The following QRICH1 variants were observed in gnomAD, a reference collection of about 807,000 sequenced individuals.
The protein encoded by QRICH1 is transcriptional regulator QRICH1.
In QRICH1, 16 loss-of-function variants were observed where a neutral mutation model predicts 87.1. The observed-to-expected ratio is 0.18, with a 90% CI of 0.12 to 0.28. The LOEUF (loss-of-function observed/expected upper bound fraction) is 0.28, where lower values mean the gene tolerates loss of function less well. Among genes scored for constraint, QRICH1 ranks in the 10% least tolerant of loss-of-function variants. The pLI is 1.00. For synonymous variants in QRICH1, 367 were observed against 368.4 expected, an observed-to-expected ratio of 1.00 and a Z score of 0.05; for missense variants, 647 against 951.7, an observed-to-expected ratio of 0.68 and a Z score of 4.21.
At position 49,046,530 on chromosome 3, in the gene QRICH1, T is replaced by C. The variant is rs774488055; in HGVS notation, c.1566A>G (p.Ala522=). The part of the protein sequence containing the change: ...FQEDLISSAV[A]ELNYGLCLMT... ...TTAGACAGAGCCCATAATTCAACTC[T>C]GCCACAGCAGAGGAGATGAGATCTT... Residue 522 remains alanine (A), a synonymous_variant, in exon 5 of 10, where the codon GCA becomes GCG. Coordinates refer to ENST00000395443, the MANE Select transcript of QRICH1 (RefSeq NM_198880.3). 15 of 1,614,124 alleles carry C rather than the reference T, an allele frequency of 9.3e-6. No individual in the cohort carries two copies. The highest frequency in any genetic ancestry group is 1.3e-5 in the Non-Finnish European group (15 of 1,180,030).
At chr3:49,055,380 T>G (rs896799103) in intron 3 of QRICH1, among the ~76,000 whole-genome samples, 1 of 152,098 alleles carries the variant, frequency 6.6e-6, no homozygotes, top group Non-Finnish European at 1.5e-5. Context: ...GGACCAGATA[T>G]TTTACCAATC....
In QRICH1 at chr3:49,087,818, C is replaced by CAAAAAAAAAAAAAAAAAAAAAAAAAAA. The variant is rs58022360; in HGVS notation, c.-22+6093_-22+6094insTTTTTTTTTTTTTTTTTTTTTTTTTTT. Among the ~76,000 whole-genome samples the CAAAAAAAAAAAAAAAAAAAAAAAAAAA allele has an allele frequency of 6.3e-5, 3 of 47,684 alleles. 1 individual carries two copies. The highest frequency in any genetic ancestry group is 1.7e-4 in the African/African-American group (2 of 11,512). 31.3% of individuals were successfully genotyped at this position (47,684 alleles called of 152,430 possible). ...GAACTCAGGAGGCGGAGGTTCATCT[C>CAAAAAAAAAAAAAAAAAAAAAAAAAAA]AAAAAAAAAAAAAAAAAAAAAGAAC... On this transcript the variant is annotated intron_variant, in intron 1 of 9. Transcript: ENST00000395443.
intron 2 of QRICH1, among the ~76,000 whole-genome samples, chr3:49,065,147 T>G (rs2093460235): frequency 6.6e-6 from 1 of 152,034 alleles, no homozygotes; most frequent in Non-Finnish European, 1.5e-5. Context: ...TCTTTTTTTT[T>G]TTTTTGGAGA....
chr3:49,034,974 T>C (rs1447030742), intron 6 of QRICH1, among the ~76,000 whole-genome samples: 4 of 152,236 alleles, frequency 2.6e-5, no homozygotes, highest in Non-Finnish European at 4.4e-5. Context: ...TGTTCTATGC[T>C]CTTGCCAAAA....
At chr3:49,048,722 A>G (rs1382722854) in intron 3 of QRICH1, among the ~76,000 whole-genome samples, 1 of 138,928 alleles carries the variant, frequency 7.2e-6, no homozygotes, top group Non-Finnish European at 1.5e-5. Context: ...CAGGAGGCGG[A>G]GCTTGCAGTG....
chr3:49,081,622 G>A (rs1427271756), intron 1 of QRICH1, among the ~76,000 whole-genome samples: 3 of 151,914 alleles, frequency 2.0e-5, no homozygotes, highest in Non-Finnish European at 2.9e-5. Flanking sequence ...CACCTGAGCC[G>A]CCCAAGCGGC....
intron 1 of QRICH1, among the ~76,000 whole-genome samples, chr3:49,089,605 G>A (rs1483650039): frequency 6.6e-6 from 1 of 152,134 alleles, no homozygotes; most frequent in Non-Finnish European, 1.5e-5. Context: ...TCTATCAATA[G>A]TGGAATAGAT....
chr3:49,070,928 CAG>C (rs2093496869), intron 2 of QRICH1, among the ~76,000 whole-genome samples: 2 of 152,142 alleles, frequency 1.3e-5, no homozygotes, highest in South Asian at 4.2e-4. Flanking sequence ...TCTTCTGAGA[CAG>C]AGTCTGCTCT....
rs529038434 is a variant in QRICH1, at chr3:49,068,482, A to AT, written c.309+8226dup. ...CAAAAAAATTAAAAAAAAAAAAAAA[A>AT]TTAGTTGGGCGTAGTAGCTGTAGTC... is the stretch of plus-strand genomic sequence containing the variant. On this transcript the variant is annotated intron_variant, in intron 2 of 9. Coordinates refer to ENST00000395443, the MANE Select transcript of QRICH1 (RefSeq NM_198880.3). Among the ~76,000 whole-genome samples, 423 of 148,630 alleles carry AT rather than the reference A, an allele frequency of 2.8e-3. 1 individual carries two copies. The highest frequency in any genetic ancestry group is 4.6e-3 in the Non-Finnish European group (310 of 66,902).
At position 49,057,168 on chromosome 3, in the gene QRICH1, G is replaced by C. The variant is rs1170423213; in HGVS notation, c.1032C>G (p.Gly344=). ...QEAYNAVHVS[G]SPTALAAVKL... The stretch of plus-strand genomic sequence containing the variant: ...TAACAGCTGCCAGGGCTGTGGGTGA[G>C]CCACTGACGTGAACTGCGTTGTAGG... Residue 344 remains glycine (G), a synonymous_variant, in exon 3 of 10, where the codon GGC becomes GGG. Transcript: ENST00000395443. The surrounding 1 kb of genome is among the most constrained non-coding windows in gnomAD (Gnocchi z 5.4). 6.2e-7 allele frequency: 1 copy of C among 1,614,130 alleles called. No individual in the cohort carries two copies. Among genetic ancestry groups the C allele is most frequent in the Non-Finnish European group, 8.5e-7 (1 of 1,180,056 alleles).
intron 4 of QRICH1, among the ~76,000 whole-genome samples, chr3:49,046,845 C>T (rs2093342014): frequency 6.6e-6 from 1 of 152,102 alleles, no homozygotes; most frequent in Non-Finnish European, 1.5e-5. Context: ...TCCTGAAACC[C>T]GTATGTCTAA....
At position 49,046,412 on chromosome 3, in the gene QRICH1, ATC is replaced by A. The variant is rs759753955; in HGVS notation, c.1671+11_1671+12del. 1 of 1,607,814 alleles carries A rather than the reference ATC, an allele frequency of 6.2e-7. No homozygotes were observed. The highest frequency in any genetic ancestry group is 8.5e-7 in the Non-Finnish European group (1 of 1,177,530). On this transcript the variant is annotated intron_variant, in intron 5 of 9. Transcript: ENST00000395443. ...ACAGCTCAAACATGTTCTTGTGAAG[ATC>A]TGTTTCCTACCTTTTGAATACACAG...
intron 6 of QRICH1, among the ~76,000 whole-genome samples, chr3:49,037,098 A>G (rs1236511184): frequency 2.8e-5 from 4 of 144,856 alleles, no homozygotes; most frequent in East Asian, 2.0e-4. Flanking sequence ...AAAAAAAAGG[A>G]AAGTTTATCT....
chr3:49,077,006 G>A lies in QRICH1; in HGVS notation c.12C>T (p.Ser4=), dbSNP rs749950151. The stretch of plus-strand genomic sequence containing the variant: ...CTTCAAAGGAGATGGTGTTCTCTAG[G>A]GAATTATTCATATTGCAGAGTCCTT... MNN[S]LENTISFEEY... The change falls in exon 2 of 10, where the codon TCC becomes TCT. Residue 4 remains serine, a synonymous_variant. Coordinates refer to ENST00000395443, the MANE Select transcript of QRICH1 (RefSeq NM_198880.3). The A allele has an allele frequency of 1.7e-5, 25 of 1,480,522 alleles. No individual in the cohort carries two copies. Among genetic ancestry groups the A allele is most frequent in the Admixed American group, 2.2e-5 (1 of 44,634 alleles). 91.7% of individuals were successfully genotyped at this position (1,480,522 alleles called of 1,614,324 possible). A position where few individuals can be genotyped will look rare whatever the true frequency, so the allele number is the denominator to read the frequency against.
Position 49,044,391 on chromosome 3 carries a change from A to G in QRICH1, c.1785T>C (p.Leu595=). The G allele has an allele frequency of 1.2e-6, 2 of 1,602,482 alleles. No homozygotes were observed. Among genetic ancestry groups the G allele is most frequent in the Non-Finnish European group, 1.7e-6 (2 of 1,171,842 alleles). The change falls in exon 6 of 10, where the codon CTT becomes CTC. Residue 595 remains leucine (L), a splice_region_variant and synonymous_variant. Transcript: ENST00000395443. The part of the protein sequence containing the change: ...LKDVQPRVTP[L]GYVLPSHVTE... ...TCCAAGGACAAGGGAGACTCTTACC[A>G]AGTGGAGTGACCCGGGGCTGAACAT...
intron 2 of QRICH1, among the ~76,000 whole-genome samples, chr3:49,067,906 A>G (rs1248540768): frequency 6.6e-6 from 1 of 151,844 alleles, no homozygotes; most frequent in Non-Finnish European, 1.5e-5. Flanking sequence ...AGCCTAAATC[A>G]TGCCACTGCA....
chr3:49,031,023 T>C (rs1044165328), intron 9 of QRICH1, among the ~76,000 whole-genome samples: 10 of 150,204 alleles, frequency 6.7e-5, no homozygotes, highest in African/African-American at 9.8e-5. Flanking sequence ...GATGGCGTCT[T>C]GTCTCCAGGC....
At position 49,069,605 on chromosome 3, in the gene QRICH1, C is replaced by T. The variant is rs558408538; in HGVS notation, c.309+7104G>A. 2.1e-5 allele frequency among the ~76,000 whole-genome samples: 3 copies of T among 139,846 alleles called. No individual in the cohort carries two copies. In the South Asian group the frequency reaches 6.7e-4, roughly 31 times the overall value. The allele number at this position is 139,846 out of a possible 152,430, so 91.7% of individuals were successfully genotyped here. On this transcript the variant is annotated intron_variant, in intron 2 of 9. Transcript: ENST00000395443. The stretch of plus-strand genomic sequence containing the variant: ...TCAAGCGATCCTTCCACCTCAGCCT[C>T]TTCAGTAGCTGGGATTACAGGTGTG...
intron 1 of QRICH1, among the ~76,000 whole-genome samples, chr3:49,083,701 G>A (rs1010840984): frequency 4.6e-5 from 7 of 151,746 alleles, no homozygotes; most frequent in Non-Finnish European, 1.0e-4. Context: ...CCAGCAGTTT[G>A]AGCCTGCAAT....
Sources: gnomAD v4.1 joint callset for allele counts (sites outside exome capture counted in the v4.1 genomes callset) on GRCh38, gnomAD v4.1.1 for gene constraint, Gnocchi (gnomAD v3.1) non-coding constraint, MANE v1.5 for transcripts, NCBI Gene and HGNC (gene_info 2026-07-23, HGNC 2026-07-21) for gene names.